Variants in UNCX observed in about 807,000 individuals in gnomAD.
UNCX encodes the protein homeobox protein unc-4 homolog.
UNCX carries 4 observed loss-of-function variants against 14.8 expected under a neutral mutation model. The ratio of observed to expected loss-of-function variants is 0.27; its 90% CI spans 0.13 to 0.62. The LOEUF is 0.62. Ranked by LOEUF, UNCX falls within the 20% of genes least tolerant of loss-of-function variation. The pLI is 0.86. For synonymous variants in UNCX, 459 were observed against 395.8 expected (o/e 1.16, Z -1.90); for missense variants, 749 against 786.8 (o/e 0.95, Z 0.58).
chr7:1,235,268 C>G (rs886263631), intron 2 of UNCX, among the ~76,000 whole-genome samples: 1 of 152,194 alleles, frequency 6.6e-6, no homozygotes, highest in Non-Finnish European at 1.5e-5. Flanking sequence ...CACCCAAGTA[C>G]GGCTCCCCAG....
At position 1,236,686 on chromosome 7, in the gene UNCX, G is replaced by T; in HGVS notation, c.1305G>T (p.Pro435=). ...FGAFSGPGGA[P]DSAFARRSPD... The stretch of plus-strand genomic sequence containing the variant: ...CCTTCTCGGGGCCCGGCGGCGCCCC[G>T]GACTCGGCCTTCGCGCGTCGCAGCC... The change falls in exon 3 of 3, where the codon CCG becomes CCT. Residue 435 remains proline (P), a synonymous_variant. Transcript: ENST00000316333. This position sits in a 1 kb window ranked among gnomAD's most constrained non-coding sequence, Gnocchi z 6.9. 9.9e-7 allele frequency: 1 copy of T among 1,006,074 alleles called. No homozygotes were observed. Among genetic ancestry groups the T allele is most frequent in the Non-Finnish European group, 1.2e-6 (1 of 845,910 alleles). The allele number at this position is 1,006,074 out of a possible 1,614,324, so 62.3% of individuals were successfully genotyped here.
chr7:1,234,077 C>CT (rs35231260), intron 2 of UNCX, among the ~76,000 whole-genome samples: 1 of 113,196 alleles, frequency 8.8e-6, no homozygotes, highest in East Asian at 5.1e-4. Flanking sequence ...GGGAAGGGGA[C>CT]CCCCCCCCGC....
Position 1,236,334 on chromosome 7 carries a change from C to A in UNCX, c.953C>A (p.Ala318Glu). 7.7e-7 allele frequency: 1 copy of A among 1,293,766 alleles called. No homozygotes were observed. The allele number at this position is 1,293,766 out of a possible 1,614,324, so 80.1% of individuals were successfully genotyped here. ...TGCGGGCCAGGGGCCGCTGTGGCGG[C>A]GGTGGAGCGCGGCGCCGCGGGGCTG... ...ASCGPGAAVA[A>E]VERGAAGLPK... Residue 318 changes from alanine to glutamate, a missense_variant, in exon 3 of 3, where the codon GCG (alanine) becomes GAG (glutamate). Coordinates refer to ENST00000316333, the MANE Select transcript of UNCX (RefSeq NM_001080461.3). The surrounding 1 kb of genome is among the most constrained non-coding windows in gnomAD (Gnocchi z 6.9).
chr7:1,236,056 G>A lies in UNCX; in HGVS notation c.675G>A (p.Leu225=). ...GCCACTTGCACTCGCCCGGCGGCCT[G>A]TCCCTGCACAGCGCGCCCAGCTCCG... The part of the protein sequence containing the change: ...QGRHLHSPGG[L]SLHSAPSSDS... Residue 225 remains leucine (L), a synonymous_variant, in exon 3 of 3, where the codon CTG becomes CTA. Transcript: ENST00000316333. This position sits in a 1 kb window ranked among gnomAD's most constrained non-coding sequence, Gnocchi z 6.9. The A allele has an allele frequency of 1.3e-6, 2 of 1,598,482 alleles. No individual in the cohort carries two copies. Among genetic ancestry groups the A allele is most frequent in the Admixed American group, 1.7e-5 (1 of 58,228 alleles).
Position 1,233,269 on chromosome 7 carries a change from C to T in UNCX, c.252C>T (p.Asp84=). The T allele has an allele frequency of 7.5e-7, 1 of 1,336,290 alleles. No individual in the cohort carries two copies. The highest frequency in any genetic ancestry group is 1.9e-5 in the South Asian group (1 of 51,564). The allele number at this position is 1,336,290 out of a possible 1,614,324, so 82.8% of individuals were successfully genotyped here. Residue 84 remains aspartate, a synonymous_variant, in exon 1 of 3, where the codon GAC becomes GAT. Transcript: ENST00000316333. This position sits in a 1 kb window ranked among gnomAD's most constrained non-coding sequence, Gnocchi z 5.3. ...CAGCCGCCTGCGGGGTCGGCGGGGACGGCCAGCCCTTCAAGCTGTCAGGTA... is the reference window on the plus strand; with the variant it reads ...CAGCCGCCTGCGGGGTCGGCGGGGATGGCCAGCCCTTCAAGCTGTCAGGTA... ...LLPAACGVGG[D]GQPFKLSDSG... is the part of the protein sequence containing the mutation.
At position 1,235,986 on chromosome 7, in the gene UNCX, A is replaced by G; in HGVS notation, c.605A>G (p.Lys202Arg). ...CGCAAGGAGCTGGAGAAGATGGAGA[A>G]GAAGAAGCGCAAGCACGAGAAGAAG... ...IARKELEKME[K>R]KKRKHEKKLL... is the part of the protein sequence containing the mutation. The change falls in exon 3 of 3, where the codon AAG (lysine) becomes AGG (arginine). Residue 202 changes from lysine (K) to arginine (R), a missense_variant. By Grantham distance (26) the Lys-to-Arg change is conservative (BLOSUM62 2). This residue lies in a region of UNCX where 552 missense variants were observed against 507.2 expected (regional missense o/e 1.09). Coordinates refer to ENST00000316333, the MANE Select transcript of UNCX (RefSeq NM_001080461.3). 8.1e-6 allele frequency: 13 copies of G among 1,610,746 alleles called. No individual in the cohort carries two copies. Among genetic ancestry groups the G allele is most frequent in the Non-Finnish European group, 1.0e-5 (12 of 1,179,118 alleles).
In UNCX at chr7:1,233,113, C is replaced by T; in HGVS notation, c.96C>T (p.His32=). ...TCCCCTACCCGCTGGGCCACCACCA[C>T]GTGTACGAGCTGGCCGGGCACCAGC... is the stretch of plus-strand genomic sequence containing the variant. The part of the protein sequence containing the change: ...VGFPYPLGHH[H]VYELAGHQLQ... Residue 32 remains histidine, a synonymous_variant, in exon 1 of 3, where the codon CAC becomes CAT. Transcript: ENST00000316333. The surrounding 1 kb of genome is among the most constrained non-coding windows in gnomAD (Gnocchi z 5.3). 1 of 1,464,018 alleles carries T rather than the reference C, an allele frequency of 6.8e-7. No individual in the cohort carries two copies. The highest frequency in any genetic ancestry group is 9.0e-7 in the Non-Finnish European group (1 of 1,111,544). The allele number at this position is 1,464,018 out of a possible 1,614,324, so 90.7% of individuals were successfully genotyped here.
Position 1,233,706 on chromosome 7 carries a change from G to A in UNCX, c.450+11G>A, listed in dbSNP as rs1778687984. 2.5e-6 allele frequency: 4 copies of A among 1,584,782 alleles called. No individual in the cohort carries two copies. Among genetic ancestry groups the A allele is most frequent in the Non-Finnish European group, 2.6e-6 (3 of 1,161,746 alleles). On this transcript the variant is annotated intron_variant, in intron 2 of 2. Coordinates refer to ENST00000316333, the MANE Select transcript of UNCX (RefSeq NM_001080461.3). The surrounding 1 kb of genome is among the most constrained non-coding windows in gnomAD (Gnocchi z 5.3). Reference sequence around the variant, plus strand: ...GAGTCCCGAGTTCAGGTAAAGACCCGGCGTCGCTCCCGGATCTGCCATCCG... The same window carrying A: ...GAGTCCCGAGTTCAGGTAAAGACCCAGCGTCGCTCCCGGATCTGCCATCCG...
In UNCX at chr7:1,235,991, A is replaced by C. The variant is rs773726241; in HGVS notation, c.610A>C (p.Lys204Gln). 26 of 1,610,094 alleles carry C rather than the reference A, an allele frequency of 1.6e-5. No homozygotes were observed. Among genetic ancestry groups the C allele is most frequent in the Admixed American group, 3.4e-5 (2 of 59,662 alleles). Residue 204 changes from lysine (K) to glutamine (Q), a missense_variant, in exon 3 of 3, where the codon AAG becomes CAG. Physicochemically the swap from Lys to Gln is moderately conservative, Grantham distance 53 (BLOSUM62 1). Coordinates refer to ENST00000316333, the MANE Select transcript of UNCX (RefSeq NM_001080461.3). ...GGAGCTGGAGAAGATGGAGAAGAAG[A>C]AGCGCAAGCACGAGAAGAAGCTGCT... Reference protein sequence around the residue: ...RKELEKMEKKKRKHEKKLLKS... With the variant: ...RKELEKMEKKQRKHEKKLLKS...
rs746122649 is a variant in UNCX at position 1,233,596 on chromosome 7, G to A, written c.351G>A (p.Leu117=). 6.2e-7 allele frequency: 1 copy of A among 1,613,008 alleles called. No homozygotes were observed. The highest frequency in any genetic ancestry group is 1.1e-5 in the South Asian group (1 of 91,074). Residue 117 remains leucine, a synonymous_variant, in exon 2 of 3, where the codon CTG becomes CTA. Transcript: ENST00000316333. The surrounding 1 kb of genome is among the most constrained non-coding windows in gnomAD (Gnocchi z 5.3). ...GCACCAACTTCACCGGCTGGCAGCT[G>A]GAGGAGCTGGAGAAGGCGTTCAACG... ...RTRTNFTGWQ[L]EELEKAFNES...
In UNCX at chr7:1,236,274, G is replaced by T. The variant is rs759522040; in HGVS notation, c.893G>T (p.Arg298Leu). The change falls in exon 3 of 3, where the codon CGC (arginine) becomes CTC (leucine). Residue 298 changes from arginine (R) to leucine (L), a missense_variant. Physicochemically the swap from Arg to Leu is moderately radical, Grantham distance 102 (BLOSUM62 -2). Coordinates refer to ENST00000316333, the MANE Select transcript of UNCX (RefSeq NM_001080461.3). The surrounding 1 kb of genome is among the most constrained non-coding windows in gnomAD (Gnocchi z 6.9). ...AGAAGCGGCGCCGGCCCACAGCCGC[G>T]CCCAGGTCGCCCTGCGGACAAGGAC... is the stretch of plus-strand genomic sequence containing the variant. ...SQRSGAGPQP[R>L]PGRPADKDAA... 7.3e-6 allele frequency: 10 copies of T among 1,375,646 alleles called. No homozygotes were observed. The highest frequency in any genetic ancestry group is 1.4e-5 in the South Asian group (1 of 72,012). 85.2% of individuals were successfully genotyped at this position (1,375,646 alleles called of 1,614,324 possible).
At position 1,233,138 on chromosome 7, in the gene UNCX, C is replaced by A. The variant is rs1376005750; in HGVS notation, c.121C>A (p.Leu41Met). 6.1e-6 allele frequency: 9 copies of A among 1,465,314 alleles called. No homozygotes were observed. Among genetic ancestry groups the A allele is most frequent in the Admixed American group, 2.4e-5 (1 of 42,042 alleles). The allele number at this position is 1,465,314 out of a possible 1,614,324, so 90.8% of individuals were successfully genotyped here. A position where few individuals can be genotyped will look rare whatever the true frequency, so the allele number is the denominator to read the frequency against. ...HHVYELAGHQ[L>M]QSAAAAASVP... ...CGTGTACGAGCTGGCCGGGCACCAG[C>A]TGCAGTCGGCCGCCGCCGCCGCCTC... The change falls in exon 1 of 3, where the codon CTG becomes ATG. Residue 41 changes from leucine (L) to methionine (M), a missense_variant. By Grantham distance (15) the Leu-to-Met change is conservative. Around this residue, in one of 3 missense-constraint regions of UNCX, gnomAD observed 155 missense variants for 166.7 expected, o/e 0.93. Transcript: ENST00000316333. This position sits in a 1 kb window ranked among gnomAD's most constrained non-coding sequence, Gnocchi z 5.3.
chr7:1,236,967 A>G lies in UNCX; in HGVS notation c.1586A>G (p.Asp529Gly), dbSNP rs546021316. The G allele has an allele frequency of 6.7e-6, 8 of 1,192,324 alleles. No homozygotes were observed. The South Asian group carries it at 1.2e-4, about 18-fold the overall frequency. The allele number at this position is 1,192,324 out of a possible 1,614,324, so 73.9% of individuals were successfully genotyped here. The change falls in exon 3 of 3, where the codon GAC becomes GGC. Residue 529 changes from aspartate to glycine, a missense_variant. Physicochemically the swap from Asp to Gly is moderately conservative, Grantham distance 94. Around this residue, in one of 3 missense-constraint regions of UNCX, gnomAD observed 552 missense variants for 507.2 expected, o/e 1.09. Coordinates refer to ENST00000316333, the MANE Select transcript of UNCX (RefSeq NM_001080461.3). This position sits in a 1 kb window ranked among gnomAD's most constrained non-coding sequence, Gnocchi z 6.9. ...AGCCCGCCGGAGGGCGAGGAGCTGG[A>G]CATGGACTGAGGCCGCGGCGGCCGG... ...GPSPPEGEEL[D>G]MD
In UNCX at chr7:1,236,397, C is replaced by T; in HGVS notation, c.1016C>T (p.Ser339Phe). 2 of 1,371,884 alleles carry T rather than the reference C, an allele frequency of 1.5e-6. No homozygotes were observed. The highest frequency in any genetic ancestry group is 3.5e-5 in the East Asian group (1 of 28,740). The allele number at this position is 1,371,884 out of a possible 1,614,324, so 85.0% of individuals were successfully genotyped here. The change falls in exon 3 of 3, where the codon TCC (serine) becomes TTC (phenylalanine). Residue 339 changes from serine to phenylalanine, a missense_variant. This residue lies in a region of UNCX where 552 missense variants were observed against 507.2 expected (regional missense o/e 1.09). Coordinates refer to ENST00000316333, the MANE Select transcript of UNCX (RefSeq NM_001080461.3). This position sits in a 1 kb window ranked among gnomAD's most constrained non-coding sequence, Gnocchi z 6.9. Reference protein sequence around the residue: ...ASPFSVESLLSDSPPRRKAAS... With the variant: ...ASPFSVESLLFDSPPRRKAAS... ...CCATTCAGCGTGGAGAGCCTCCTGT[C>T]CGACTCGCCGCCGCGCCGGAAAGCC... is the stretch of plus-strand genomic sequence containing the variant.
chr7:1,235,805 T>G, intron 2 of UNCX, 27 bp from the exon 3 acceptor site: 1 of 1,593,620 alleles, frequency 6.3e-7, no homozygotes, highest in Non-Finnish European at 8.6e-7. Context: ...TGATTGTGGC[T>G]TCCTCTCCCC....
In UNCX at chr7:1,233,372, G is replaced by C. The variant is rs1778680940; in HGVS notation, c.274+81G>C. On this transcript the variant is annotated intron_variant, in intron 1 of 2. Transcript: ENST00000316333. This position sits in a 1 kb window ranked among gnomAD's most constrained non-coding sequence, Gnocchi z 5.3. ...GTCCGGCCGAGGCGCTGGGGGGCCC[G>C]GGGCTGGCGAAGGAGAGCCGGCTCC... is the stretch of plus-strand genomic sequence containing the variant. 11 of 1,352,732 alleles carry C rather than the reference G, an allele frequency of 8.1e-6. No individual in the cohort carries two copies. The highest frequency in any genetic ancestry group is 3.9e-5 in the Admixed American group (1 of 25,514). 83.8% of individuals were successfully genotyped at this position (1,352,732 alleles called of 1,614,324 possible). A position where few individuals can be genotyped will look rare whatever the true frequency, so the allele number is the denominator to read the frequency against.
chr7:1,233,463 T>TG lies in UNCX; in HGVS notation c.275-52dup. 1 of 1,001,662 alleles carries TG rather than the reference T, an allele frequency of 1.0e-6. No homozygotes were observed. The highest frequency in any genetic ancestry group is 1.2e-6 in the Non-Finnish European group (1 of 804,052). The allele number at this position is 1,001,662 out of a possible 1,614,324, so 62.0% of individuals were successfully genotyped here. ...GCCAGCGGGTAGCGGGAGGGAGGGGTGGGGGTCGGGCCTGGGCCGGTGGCT... is the reference window on the plus strand; with the variant it reads ...GCCAGCGGGTAGCGGGAGGGAGGGGTGGGGGGTCGGGCCTGGGCCGGTGGCT... On this transcript the variant is annotated intron_variant, in intron 1 of 2. Transcript: ENST00000316333. The surrounding 1 kb of genome is among the most constrained non-coding windows in gnomAD (Gnocchi z 5.3).
At position 1,236,022 on chromosome 7, in the gene UNCX, G is replaced by C. The variant is rs747831842; in HGVS notation, c.641G>C (p.Ser214Thr). Residue 214 changes from serine to threonine, a missense_variant, in exon 3 of 3, where the codon AGC becomes ACC. Transcript: ENST00000316333. The surrounding 1 kb of genome is among the most constrained non-coding windows in gnomAD (Gnocchi z 6.9). ...KRKHEKKLLK[S>T]QGRHLHSPGG... ...AAGCACGAGAAGAAGCTGCTGAAGA[G>C]CCAGGGCCGCCACTTGCACTCGCCC... 2 of 1,605,542 alleles carry C rather than the reference G, an allele frequency of 1.2e-6. No individual in the cohort carries two copies. Among genetic ancestry groups the C allele is most frequent in the South Asian group, 1.1e-5 (1 of 90,258 alleles).
Position 1,233,260 on chromosome 7 carries a change from C to A in UNCX, c.243C>A (p.Val81=), listed in dbSNP as rs1224000034. ...CGCTGCTGCCAGCCGCCTGCGGGGT[C>A]GGCGGGGACGGCCAGCCCTTCAAGC... ...PTPLLPAACG[V]GGDGQPFKLS... The change falls in exon 1 of 3, where the codon GTC becomes GTA. Residue 81 remains valine, a synonymous_variant. Transcript: ENST00000316333. This position sits in a 1 kb window ranked among gnomAD's most constrained non-coding sequence, Gnocchi z 5.3. The A allele has an allele frequency of 3.0e-6, 4 of 1,339,864 alleles. No homozygotes were observed. In the Admixed American group the frequency reaches 1.6e-4, roughly 53 times the overall value. 83.0% of individuals were successfully genotyped at this position (1,339,864 alleles called of 1,614,324 possible).
Sources: allele counts gnomAD v4.1 joint callset (sites outside exome capture counted in the v4.1 genomes callset), GRCh38; gene constraint gnomAD v4.1.1; regional missense constraint gnomAD v4.1.1; non-coding constraint Gnocchi (gnomAD v3.1); transcripts MANE v1.5; gene names NCBI Gene and HGNC (gene_info 2026-07-23, HGNC 2026-07-21).